SLC25A42: variants seen among roughly 807,000 people sequenced by gnomAD.
SLC25A42 encodes mitochondrial coenzyme A transporter SLC25A42.
A neutral mutation model predicts 34.7 loss-of-function variants in SLC25A42; 19 were observed. That is an observed-to-expected ratio of 0.55 (90% CI 0.38 to 0.80). The LOEUF (loss-of-function observed/expected upper bound fraction) is 0.80. SLC25A42 is among the 30% of genes least tolerant of loss of function. The probability of loss-of-function intolerance (pLI) is 0.00; values close to 1 mark genes in which losing one functional copy is unlikely to be tolerated. For missense variants in SLC25A42, 364 were observed against 441.3 expected (o/e 0.82, Z 1.57); for synonymous variants, 205 against 191.2 (o/e 1.07, Z -0.59).
At chr19:19,087,255 A>G (rs75187238) in intron 1 of SLC25A42, among the ~76,000 whole-genome samples, 4,271 of 152,150 alleles carry the variant, frequency 0.028, 91 homozygotes, top group South Asian at 0.069. Context: ...TGTATCTTCT[A>G]AGTTCATCTG....
chr19:19,101,943 T>A, intron 3 of SLC25A42, 57 bp downstream of exon 3: 1 of 1,163,748 alleles, frequency 8.6e-7, no homozygotes, highest in Non-Finnish European at 1.3e-6. Flanking sequence ...ACCTCCTCCT[T>A]CATGGCCCCC....
chr19:19,065,521 A>G (rs1287084010), intron 1 of SLC25A42, among the ~76,000 whole-genome samples: 4 of 152,176 alleles, frequency 2.6e-5, no homozygotes, highest in Admixed American at 6.5e-5. Context: ...TTGAAAAGCA[A>G]TAACGTGCCA....
intron 3 of SLC25A42, among the ~76,000 whole-genome samples, chr19:19,103,029 G>A (rs2059806700): frequency 6.6e-6 from 1 of 152,068 alleles, no homozygotes; most frequent in Non-Finnish European, 1.5e-5. Context: ...TTCTGCCTCT[G>A]TCATCACGTG....
In SLC25A42 at chr19:19,088,794, G is replaced by A. The variant is rs947036224; in HGVS notation, c.-34-7297G>A. Among the ~76,000 whole-genome samples the A allele has an allele frequency of 3.3e-5, 5 of 151,018 alleles. No homozygotes were observed. In the South Asian group the frequency reaches 8.3e-4, roughly 25 times the overall value. ...ATTACAGGCATGAGCCACTGCGCCCGGCCTTTTTTTTTTCGTTTTCTTTTG... is the reference window on the plus strand; with the variant it reads ...ATTACAGGCATGAGCCACTGCGCCCAGCCTTTTTTTTTTCGTTTTCTTTTG... On this transcript the variant is annotated intron_variant, in intron 1 of 7. Coordinates refer to ENST00000318596, the MANE Select transcript of SLC25A42 (RefSeq NM_178526.5).
Position 19,096,115 on chromosome 19 carries a change from C to T in SLC25A42, c.-10C>T. On this transcript the variant is annotated 5_prime_UTR_variant, in exon 2 of 8. Transcript: ENST00000318596. ...GGACCGAGTCTCCTGCCATTCCGAG[C>T]AGGCCTGGTATGGGTAATGGTGTGA... The T allele has an allele frequency of 6.2e-7, 1 of 1,613,730 alleles. No individual in the cohort carries two copies. The highest frequency in any genetic ancestry group is 8.5e-7 in the Non-Finnish European group (1 of 1,179,708).
chr19:19,098,238 G>A (rs1317919660), intron 2 of SLC25A42, among the ~76,000 whole-genome samples: 6 of 152,164 alleles, frequency 3.9e-5, no homozygotes, highest in South Asian at 4.1e-4. Flanking sequence ...CCCAACACAC[G>A]TCCTCCAGGT....
intron 2 of SLC25A42, among the ~76,000 whole-genome samples, chr19:19,098,604 A>ACACAGAGTTG (rs2059777847): frequency 6.7e-6 from 1 of 149,890 alleles, no homozygotes; most frequent in African/African-American, 2.5e-5. Flanking sequence ...CAGAAAAACA[A>ACACAGAGTTG]CACAGAGTTG....
intron 1 of SLC25A42, among the ~76,000 whole-genome samples, chr19:19,077,951 C>T (rs1708677933): frequency 6.6e-6 from 1 of 152,194 alleles, no homozygotes; most frequent in Admixed American, 6.5e-5. Context: ...ACTGGTGTGT[C>T]TGTGAGATCC....
intron 1 of SLC25A42, among the ~76,000 whole-genome samples, chr19:19,072,541 C>T (rs552823168): frequency 6.6e-6 from 1 of 152,142 alleles, no homozygotes; most frequent in African/African-American, 2.4e-5. Flanking sequence ...CCACGCCTGG[C>T]TAATTTTTGT....
At position 19,112,621 on chromosome 19, in the gene SLC25A42, G is replaced by T. The variant is rs1454793538; in HGVS notation, c.*1745G>T. ...GGAGAGACAAGGGGTAGGTGGGAGG[G>T]TCCCCCAGTCCCTGCTGACCCCAGT... On this transcript the variant is annotated 3_prime_UTR_variant, in exon 8 of 8. Coordinates refer to ENST00000318596, the MANE Select transcript of SLC25A42 (RefSeq NM_178526.5). The surrounding 1 kb of genome is among the most constrained non-coding windows in gnomAD (Gnocchi z 4.3). 2 of 152,596 alleles carry T rather than the reference G, an allele frequency of 1.3e-5. No homozygotes were observed. Among genetic ancestry groups the T allele is most frequent in the Non-Finnish European group, 2.9e-5 (2 of 68,166 alleles). The allele number at this position is 152,596 out of a possible 1,614,324, so 9.5% of individuals were successfully genotyped here. A position where few individuals can be genotyped will look rare whatever the true frequency, so the allele number is the denominator to read the frequency against.
intron 1 of SLC25A42, among the ~76,000 whole-genome samples, chr19:19,083,535 G>A (rs1425515338): frequency 1.3e-5 from 2 of 152,186 alleles, no homozygotes; most frequent in African/African-American, 2.4e-5. Flanking sequence ...CGGCTCTCTG[G>A]CCTCCTGCCC....
At chr19:19,106,189 G>T in intron 5 of SLC25A42, 80 bp from the exon 6 acceptor site, 3 of 1,224,002 alleles carry the variant, frequency 2.5e-6, no homozygotes, top group Non-Finnish European at 2.3e-6. Flanking sequence ...CAGCAGAGAC[G>T]TGCGGGTGCT....
intron 1 of SLC25A42, among the ~76,000 whole-genome samples, chr19:19,072,342 G>A (rs1372948289): frequency 1.3e-5 from 2 of 152,192 alleles, no homozygotes; most frequent in African/African-American, 4.8e-5. Flanking sequence ...GGTGACAGAT[G>A]AGGAAATCAA....
Position 19,101,812 on chromosome 19 carries a change from T to G in SLC25A42, c.113T>G (p.Leu38Arg). ...RDHRQVLSSL[L>R]SGALAGALAK... ...CACAGGCAAGTGCTCAGCTCCCTGCTGTCTGGGGCCCTGGCTGGTGCCCTT... is the reference window on the plus strand; with the variant it reads ...CACAGGCAAGTGCTCAGCTCCCTGCGGTCTGGGGCCCTGGCTGGTGCCCTT... Residue 38 changes from leucine to arginine, a missense_variant, in exon 3 of 8, where the codon CTG (leucine) becomes CGG (arginine). Physicochemically the swap from Leu to Arg is moderately radical, Grantham distance 102. Coordinates refer to ENST00000318596, the MANE Select transcript of SLC25A42 (RefSeq NM_178526.5). 6.2e-7 allele frequency: 1 copy of G among 1,613,806 alleles called. No homozygotes were observed. The highest frequency in any genetic ancestry group is 8.5e-7 in the Non-Finnish European group (1 of 1,179,828).
chr19:19,110,624 C>G lies in SLC25A42; in HGVS notation c.705C>G (p.Cys235Trp), dbSNP rs1174987439. The change falls in exon 8 of 8, where the codon TGC becomes TGG. Residue 235 changes from cysteine (C) to tryptophan (W), a missense_variant. Physicochemically the swap from Cys to Trp is radical, Grantham distance 215. Coordinates refer to ENST00000318596, the MANE Select transcript of SLC25A42 (RefSeq NM_178526.5). ...TCGAGCGCATGATCTTCGGCGCCTG[C>G]GCTGGCCTCATCGGGCAGTCGGCCT... The part of the protein sequence containing the change: ...YPFERMIFGA[C>W]AGLIGQSASY... 1 of 1,530,064 alleles carries G rather than the reference C, an allele frequency of 6.5e-7. No homozygotes were observed. Among genetic ancestry groups the G allele is most frequent in the East Asian group, 2.5e-5 (1 of 40,516 alleles). 94.8% of individuals were successfully genotyped at this position (1,530,064 alleles called of 1,614,324 possible).
At chr19:19,110,475 A>T in intron 7 of SLC25A42, 94 bp from the exon 8 acceptor site, 1 of 1,030,340 alleles carries the variant, frequency 9.7e-7, no homozygotes, top group Non-Finnish European at 1.3e-6. Flanking sequence ...ATGTGCACGC[A>T]GGTTGCTCCT....
At chr19:19,077,141 G>A (rs1352982747) in intron 1 of SLC25A42, among the ~76,000 whole-genome samples, 2 of 152,204 alleles carry the variant, frequency 1.3e-5, no homozygotes, top group African/African-American at 2.4e-5. Flanking sequence ...CCATCATAGT[G>A]CCACTGCACT....
intron 3 of SLC25A42, among the ~76,000 whole-genome samples, chr19:19,104,056 G>A (rs967387867): frequency 6.6e-6 from 1 of 152,122 alleles, no homozygotes; most frequent in Non-Finnish European, 1.5e-5. Flanking sequence ...GCAGGAGTCT[G>A]CCACCATGCC....
chr19:19,095,545 G>A (rs575878576), intron 1 of SLC25A42, among the ~76,000 whole-genome samples: 17 of 152,288 alleles, frequency 1.1e-4, no homozygotes, highest in African/African-American at 3.1e-4. Context: ...CCTAGGAGGT[G>A]GAGGTTGCAG....
Sources: allele counts gnomAD v4.1 joint callset (sites outside exome capture counted in the v4.1 genomes callset), GRCh38; gene constraint gnomAD v4.1.1; non-coding constraint Gnocchi (gnomAD v3.1); transcripts MANE v1.5; gene names NCBI Gene and HGNC (gene_info 2026-07-23, HGNC 2026-07-21).